Variants in IL1RAPL1 observed in about 807,000 individuals in gnomAD.
IL1RAPL1 encodes interleukin-1 receptor accessory protein-like 1.
Under a neutral mutation model 48.4 loss-of-function variants are expected in IL1RAPL1, and 3 were observed. That is an observed-to-expected ratio of 0.06 (90% CI 0.03 to 0.16). The LOEUF (loss-of-function observed/expected upper bound fraction) is 0.16, where lower values mean the gene tolerates loss of function less well. Ranked by LOEUF, IL1RAPL1 falls within the 10% of genes least tolerant of loss-of-function variation. The probability of loss-of-function intolerance (pLI) is 1.00; values close to 1 mark genes in which losing one functional copy is unlikely to be tolerated. For synonymous variants in IL1RAPL1, 185 were observed against 187.7 expected, an observed-to-expected ratio of 0.99 and a Z score of 0.12; for missense variants, 349 against 530.6, an observed-to-expected ratio of 0.66 and a Z score of 3.36.
intron 3 of IL1RAPL1, among the ~76,000 whole-genome samples, chrX:29,328,660 G>C (rs1000121909): frequency 9.2e-6 from 1 of 108,352 alleles, no homozygotes; most frequent in Non-Finnish European, 1.9e-5. Context: ...GAGAGAGAGA[G>C]AGAGAGACAG....
intron 2 of IL1RAPL1, among the ~76,000 whole-genome samples, chrX:29,170,422 A>C (rs187431781): frequency 2.7e-5 from 3 of 111,953 alleles, no homozygotes; most frequent in African/African-American, 9.7e-5. Context: ...TGAAAATTTG[A>C]CAAAAACTAT....
Position 29,228,366 on chromosome X carries a change from TGTGTGTGA to T in IL1RAPL1, c.83-54570_83-54563del, listed in dbSNP as rs1454229934. On this transcript the variant is annotated intron_variant, in intron 2 of 10. Coordinates refer to ENST00000378993, the MANE Select transcript of IL1RAPL1 (RefSeq NM_014271.4). ...GTGTGTGTGTGTGTGTGTGTGTGTGTGTGTGTGAGACAGAGTCTCACCCTGTTACCCAG... is the reference window on the plus strand; with the variant it reads ...GTGTGTGTGTGTGTGTGTGTGTGTGTGACAGAGTCTCACCCTGTTACCCAG... Among the ~76,000 whole-genome samples, 22 of 104,287 alleles carry T rather than the reference TGTGTGTGA, an allele frequency of 2.1e-4. 1 individual carries two copies. The highest frequency in any genetic ancestry group is 5.7e-4 in the African/African-American group (16 of 28,217). 90.6% of individuals were successfully genotyped at this position (104,287 alleles called of 115,157 possible).
intron 2 of IL1RAPL1, among the ~76,000 whole-genome samples, chrX:29,009,477 A>G (rs915498877): frequency 6.2e-5 from 7 of 112,411 alleles, no homozygotes; most frequent in African/African-American, 1.9e-4. Context: ...TCTTTTGCAT[A>G]TGGTTGGCCA....
intron 6 of IL1RAPL1, among the ~76,000 whole-genome samples, chrX:29,679,518 T>G (rs983795444): frequency 8.9e-6 from 1 of 112,006 alleles, no homozygotes; most frequent in African/African-American, 3.2e-5. Flanking sequence ...TCTTTCAGAA[T>G]TACATATCAC....
At chrX:29,562,097 CTATCTATCTATCTATCTAATCTATCT>C (rs1922237397) in intron 5 of IL1RAPL1, among the ~76,000 whole-genome samples, 2 of 71,571 alleles carry the variant, frequency 2.8e-5, no homozygotes, top group African/African-American at 1.2e-4. Context: ...ATCTGTCTAT[CTATCTATCTATCTATCTAATCTATCT>C]ATCTATCTAT....
At chrX:29,674,570 T>TA (rs1256608504) in intron 6 of IL1RAPL1, among the ~76,000 whole-genome samples, 2 of 112,307 alleles carry the variant, frequency 1.8e-5, no homozygotes, top group South Asian at 3.7e-4. Flanking sequence ...AGCACTTTTT[T>TA]AAAAAAACTT....
intron 2 of IL1RAPL1, among the ~76,000 whole-genome samples, chrX:29,269,127 A>G (rs1176078632): frequency 8.9e-6 from 1 of 112,341 alleles, no homozygotes; most frequent in Non-Finnish European, 1.9e-5. Flanking sequence ...CTCACTGAGA[A>G]TTTAAACTTT....
chrX:29,634,400 T>C (rs1477519426), intron 5 of IL1RAPL1, among the ~76,000 whole-genome samples: 1 of 111,620 alleles, frequency 9.0e-6, no homozygotes, highest in East Asian at 2.8e-4. Context: ...TCAAAGTGGC[T>C]CTGGACTAGT....
intron 5 of IL1RAPL1, among the ~76,000 whole-genome samples, chrX:29,618,671 T>G (rs539649970): frequency 1.7e-4 from 19 of 111,606 alleles, no homozygotes; most frequent in African/African-American, 5.9e-4. Context: ...GTGATTAAAT[T>G]TTGCCCACCT....
At chrX:29,229,457 C>CT (rs1489838505) in intron 2 of IL1RAPL1, among the ~76,000 whole-genome samples, 1 of 111,015 alleles carries the variant, frequency 9.0e-6, no homozygotes, top group Non-Finnish European at 1.9e-5. Context: ...TGTGATTTGT[C>CT]TAAGCTTTTG....
intron 6 of IL1RAPL1, among the ~76,000 whole-genome samples, chrX:29,726,209 A>G (rs1253322978): frequency 8.9e-6 from 1 of 112,374 alleles, no homozygotes; most frequent in Non-Finnish European, 1.9e-5. Flanking sequence ...AGTTCCCCAG[A>G]TATCATTTTT....
At chrX:29,591,036 G>A (rs542643238) in intron 5 of IL1RAPL1, among the ~76,000 whole-genome samples, 46 of 112,290 alleles carry the variant, frequency 4.1e-4, no homozygotes, top group African/African-American at 1.1e-3. Context: ...GGCATGCACC[G>A]TAGGGTAAAG....
At chrX:29,743,549 G>A (rs1050141562) in intron 6 of IL1RAPL1, among the ~76,000 whole-genome samples, 1 of 111,389 alleles carries the variant, frequency 9.0e-6, no homozygotes, top group Non-Finnish European at 1.9e-5. Flanking sequence ...GCAGTGGCAC[G>A]ATCTCAGCTC....
intron 2 of IL1RAPL1, among the ~76,000 whole-genome samples, chrX:28,805,900 A>G (rs1260629428): frequency 9.1e-6 from 1 of 110,308 alleles, no homozygotes; most frequent in Admixed American, 9.7e-5. Context: ...GCTATGCTTA[A>G]AAGAGTCATT....
intron 1 of IL1RAPL1, among the ~76,000 whole-genome samples, chrX:28,759,543 G>C (rs1256707763): frequency 2.7e-5 from 3 of 111,110 alleles, no homozygotes; most frequent in Non-Finnish European, 5.7e-5. Context: ...CAGCATACTA[G>C]GATCCCGACT....
At chrX:29,888,454 C>A (rs1184668566) in intron 6 of IL1RAPL1, among the ~76,000 whole-genome samples, 1 of 110,411 alleles carries the variant, frequency 9.1e-6, no homozygotes, top group Non-Finnish European at 1.9e-5. Context: ...AAACTCCTGA[C>A]CTCAGGTGAT....
intron 6 of IL1RAPL1, among the ~76,000 whole-genome samples, chrX:29,866,221 G>T (rs1344447): frequency 0.011 from 1,169 of 110,871 alleles, 14 homozygotes; most frequent in African/African-American, 0.035. Context: ...TACCTAATAC[G>T]TCATTCATTC....
chrX:28,906,209 T>C (rs1003583632), intron 2 of IL1RAPL1, among the ~76,000 whole-genome samples: 6 of 112,840 alleles, frequency 5.3e-5, no homozygotes, highest in African/African-American at 1.9e-4. Context: ...CGTGATCTGA[T>C]CACCTCCCAT....
At chrX:29,651,375 T>C (rs890461605) in intron 5 of IL1RAPL1, among the ~76,000 whole-genome samples, 2 of 110,956 alleles carry the variant, frequency 1.8e-5, no homozygotes, top group Non-Finnish European at 3.8e-5. Context: ...AACCTAAGCA[T>C]CCATCAATGG....
Sources: gnomAD v4.1 joint callset for allele counts (sites outside exome capture counted in the v4.1 genomes callset) on GRCh38, gnomAD v4.1.1 for gene constraint, MANE v1.5 for transcripts, NCBI Gene and HGNC (gene_info 2026-07-23, HGNC 2026-07-21) for gene names.